The following PTPRD variants were observed in gnomAD, a reference collection of about 807,000 sequenced individuals.
PTPRD encodes receptor-type tyrosine-protein phosphatase delta.
A neutral mutation model predicts 214.5 loss-of-function variants in PTPRD; 34 were observed. The ratio of observed to expected loss-of-function variants is 0.16; its 90% CI spans 0.12 to 0.21. The LOEUF (loss-of-function observed/expected upper bound fraction) is 0.21, where lower values mean the gene tolerates loss of function less well. Ranked by LOEUF, PTPRD falls within the 10% of genes least tolerant of loss-of-function variation. PTPRD has a pLI of 1.00. For missense variants in PTPRD, 2,545 were observed against 2,398.7 expected (o/e 1.06, Z -1.27); for synonymous variants, 1,128 against 845.7 (o/e 1.33, Z -5.79).
At position 8,465,551 on chromosome 9, in the gene PTPRD, T is replaced by A; in HGVS notation, c.3629A>T (p.His1210Leu). Residue 1210 changes from histidine to leucine, a missense_variant, in exon 32 of 46, where the codon CAT (histidine) becomes CTT (leucine). Physicochemically the swap from His to Leu is moderately conservative, Grantham distance 99 (BLOSUM62 -3). Transcript: ENST00000381196. ...TTGCTTGTTTGTAAATCCACCATAA[T>A]GCTTGTCATCCCCCAGGGTGAACTC... ...PTEFTLGDDK[H>L]YGGFTNKQLQ... 4 of 1,612,674 alleles carry A rather than the reference T, an allele frequency of 2.5e-6. No homozygotes were observed. The highest frequency in any genetic ancestry group is 2.2e-5 in the East Asian group (1 of 44,822).
chr9:9,000,479 C>A (rs541254705), intron 11 of PTPRD, among the ~76,000 whole-genome samples: 79 of 151,942 alleles, frequency 5.2e-4, no homozygotes, highest in Non-Finnish European at 1.0e-3. Context: ...CTTGTTATAA[C>A]TTCACTTTAA....
chr9:10,472,493 T>C (rs1259018154), intron 2 of PTPRD, among the ~76,000 whole-genome samples: 3 of 152,130 alleles, frequency 2.0e-5, no homozygotes, highest in East Asian at 3.9e-4. Flanking sequence ...GTTGGAGTAG[T>C]TGGGGACTGG....
chr9:9,670,627 T>G (rs1162207386), intron 7 of PTPRD, among the ~76,000 whole-genome samples: 1 of 152,180 alleles, frequency 6.6e-6, no homozygotes, highest in Non-Finnish European at 1.5e-5. Context: ...CCTGGTGCTG[T>G]GTGCAGCTTA....
chr9:9,914,801 G>C lies in PTPRD; in HGVS notation c.-368+23706C>G, dbSNP rs537875293. 2.5e-3 allele frequency among the ~76,000 whole-genome samples: 376 copies of C among 152,174 alleles called. 5 individuals are homozygous for C. Among genetic ancestry groups the C allele is most frequent in the Non-Finnish European group, 6.3e-4 (43 of 67,998 alleles). ...CTCAGGCCTGAGAAGTAGCCCTGTGGGTCACTTGGGCAAATATGCCCCCAA... is the reference window on the plus strand; with the variant it reads ...CTCAGGCCTGAGAAGTAGCCCTGTGCGTCACTTGGGCAAATATGCCCCCAA... On this transcript the variant is annotated intron_variant, in intron 5 of 45. Transcript: ENST00000381196.
At chr9:9,826,749 T>C (rs1220010642) in intron 5 of PTPRD, among the ~76,000 whole-genome samples, 1 of 152,096 alleles carries the variant, frequency 6.6e-6, no homozygotes, top group African/African-American at 2.4e-5. Flanking sequence ...ATTATGTATC[T>C]AGAAAACCCC....
intron 7 of PTPRD, among the ~76,000 whole-genome samples, chr9:9,665,801 A>G (rs1386987477): frequency 6.6e-6 from 1 of 151,962 alleles, no homozygotes; most frequent in East Asian, 1.9e-4. Context: ...CACAGTACTG[A>G]GGTAAACTAA....
chr9:8,906,323 C>A lies in PTPRD; in HGVS notation c.-104+112374G>T, dbSNP rs912398979. ...AATTAACTCTACCTTGTTCCAAATT[C>A]TTTTACAATTAGTTTGAGTGACTTA... On this transcript the variant is annotated intron_variant, in intron 11 of 45. Coordinates refer to ENST00000381196, the MANE Select transcript of PTPRD (RefSeq NM_002839.4). Among the ~76,000 whole-genome samples, 4 of 152,102 alleles carry A rather than the reference C, an allele frequency of 2.6e-5. No individual in the cohort carries two copies. In the East Asian group the frequency reaches 5.8e-4, roughly 22 times the overall value.
intron 10 of PTPRD, 62 bp from the exon 11 acceptor site, chr9:9,018,797 T>A (rs184374918): frequency 8.5e-5 from 13 of 152,314 alleles, no homozygotes; most frequent in Admixed American, 3.3e-4. Flanking sequence ...AAAATACTGC[T>A]CATTTAGGTG....
intron 11 of PTPRD, among the ~76,000 whole-genome samples, chr9:8,974,624 A>C (rs974572849): frequency 6.6e-6 from 1 of 152,034 alleles, no homozygotes; most frequent in South Asian, 2.1e-4. Flanking sequence ...GATTATCTGA[A>C]TTGACCATGT....
rs142050629 is a variant in PTPRD at position 8,470,914 on chromosome 9, G to A, written c.3504+81C>T. Reference sequence around the variant, plus strand: ...GAAGCCAGCACCCAGATTAGATCCTGAAAGGCCTCCAAGGGAGGGGGGCGG... The same window carrying A: ...GAAGCCAGCACCCAGATTAGATCCTAAAAGGCCTCCAAGGGAGGGGGGCGG... On this transcript the variant is annotated intron_variant, in intron 31 of 45. Transcript: ENST00000381196. 8,509 of 1,263,496 alleles carry A rather than the reference G, an allele frequency of 6.7e-3. 51 individuals are homozygous for A. Among genetic ancestry groups the A allele is most frequent in the Non-Finnish European group, 8.6e-3 (7,411 of 866,398 alleles). 78.3% of individuals were successfully genotyped at this position (1,263,496 alleles called of 1,614,324 possible). A position where few individuals can be genotyped will look rare whatever the true frequency, so the allele number is the denominator to read the frequency against.
intron 3 of PTPRD, among the ~76,000 whole-genome samples, chr9:10,304,458 G>T (rs918229374): frequency 6.6e-6 from 1 of 152,136 alleles, no homozygotes; most frequent in African/African-American, 2.4e-5. Context: ...AATGGGAAGA[G>T]AGGAAGTCAA....
intron 35 of PTPRD, among the ~76,000 whole-genome samples, chr9:8,430,799 C>T (rs2094995241): frequency 6.6e-6 from 1 of 152,114 alleles, no homozygotes; most frequent in Non-Finnish European, 1.5e-5. Context: ...CTTCCTAGTT[C>T]CACTAAGAGT....
intron 8 of PTPRD, among the ~76,000 whole-genome samples, chr9:9,414,492 T>C (rs1487874517): frequency 2.0e-5 from 3 of 152,202 alleles, no homozygotes; most frequent in Non-Finnish European, 2.9e-5. Flanking sequence ...GTGGTGGTAA[T>C]TGAGTCTTCC....
chr9:10,123,467 G>A (rs998684179), intron 3 of PTPRD, among the ~76,000 whole-genome samples: 1 of 152,144 alleles, frequency 6.6e-6, no homozygotes, highest in African/African-American at 2.4e-5. Flanking sequence ...AGGAAAACCA[G>A]TGAAGAAATG....
At chr9:8,848,313 C>CTTTTTTTTTTTTTTT (rs371491854) in intron 11 of PTPRD, among the ~76,000 whole-genome samples, 1 of 132,666 alleles carries the variant, frequency 7.5e-6, no homozygotes, top group Admixed American at 7.7e-5. Context: ...AAGATTTTTC[C>CTTTTTTTTTTTTTTT]TTTTTTTTTT....
intron 9 of PTPRD, among the ~76,000 whole-genome samples, chr9:9,275,578 G>T (rs989261714): frequency 6.6e-6 from 1 of 151,264 alleles, no homozygotes; most frequent in South Asian, 2.1e-4. Context: ...TATGCTTTCT[G>T]CTTAGGTTGG....
chr9:10,035,303 ATTTG>A (rs2097159816), intron 3 of PTPRD, among the ~76,000 whole-genome samples: 1 of 151,536 alleles, frequency 6.6e-6, no homozygotes, highest in Admixed American at 6.6e-5. Context: ...TTTCTTGTAA[ATTTG>A]TTTATGTTCC....
chr9:8,617,395 G>A (rs1038211839), intron 14 of PTPRD, among the ~76,000 whole-genome samples: 5 of 152,024 alleles, frequency 3.3e-5, no homozygotes, highest in African/African-American at 1.2e-4. Flanking sequence ...TTGGAGAAAT[G>A]CTTATAACTC....
intron 2 of PTPRD, among the ~76,000 whole-genome samples, chr9:10,425,230 A>AAAG (rs1475711890): frequency 1.3e-5 from 2 of 151,966 alleles, no homozygotes; most frequent in Non-Finnish European, 2.9e-5. Context: ...GAGTTATTCA[A>AAAG]ATGTTTGCTT....
Sources: allele counts gnomAD v4.1 joint callset (sites outside exome capture counted in the v4.1 genomes callset), GRCh38; gene constraint gnomAD v4.1.1; transcripts MANE v1.5; gene names NCBI Gene and HGNC (gene_info 2026-07-23, HGNC 2026-07-21).